The following MYRIP variants were observed in gnomAD, a reference collection of about 807,000 sequenced individuals.
MYRIP encodes the protein rab effector MyRIP.
A neutral mutation model predicts 98.0 loss-of-function variants in MYRIP; 49 were observed. The observed-to-expected ratio is 0.50, with a 90% CI of 0.40 to 0.63. The LOEUF (loss-of-function observed/expected upper bound fraction) is 0.63. Among genes scored for constraint, MYRIP ranks in the 30% least tolerant of loss-of-function variants. The probability of loss-of-function intolerance (pLI) is 0.00; values close to 1 mark genes in which losing one functional copy is unlikely to be tolerated. For missense variants in MYRIP, 1,004 were observed against 1,058.2 expected (o/e 0.95, Z 0.71); for synonymous variants, 404 against 409.5 (o/e 0.99, Z 0.16).
chr3:40,002,923 GA>G (rs1946551355), intron 2 of MYRIP, among the ~76,000 whole-genome samples: 1 of 151,510 alleles, frequency 6.6e-6, no homozygotes, highest in African/African-American at 2.4e-5. Context: ...TGCATATATA[GA>G]CATATATAGA....
At position 40,142,288 on chromosome 3, in the gene MYRIP, A is replaced by G. The variant is rs575705677; in HGVS notation, c.333-8760A>G. 2.0e-3 allele frequency among the ~76,000 whole-genome samples: 297 copies of G among 152,110 alleles called. 1 individual carries two copies. Among genetic ancestry groups the G allele is most frequent in the African/African-American group, 6.8e-3 (283 of 41,506 alleles). ...GGCTGGTCTCGAACTCCCGACCTCA[A>G]GTGATCCGCCTGCCTCAGCCTCCCA... On this transcript the variant is annotated intron_variant, in intron 3 of 16. Transcript: ENST00000302541.
At chr3:40,182,396 A>C in intron 9 of MYRIP, 23 bp downstream of exon 9, 1 of 1,602,660 alleles carries the variant, frequency 6.2e-7, no homozygotes, top group Non-Finnish European at 8.5e-7. Context: ...AGCAGTATCT[A>C]GTTGGTCTGT....
intron 2 of MYRIP, among the ~76,000 whole-genome samples, chr3:40,039,903 G>T (rs1947472293): frequency 6.6e-6 from 1 of 152,032 alleles, no homozygotes; most frequent in African/African-American, 2.4e-5. Context: ...GGGAGAATCT[G>T]CCCATGCCTC....
intron 1 of MYRIP, among the ~76,000 whole-genome samples, chr3:39,874,828 T>C (rs983528324): frequency 1.3e-5 from 2 of 152,188 alleles, no homozygotes; most frequent in African/African-American, 4.8e-5. Flanking sequence ...TCTGCCCGGC[T>C]TTGGTATCAG....
intron 11 of MYRIP, among the ~76,000 whole-genome samples, chr3:40,210,697 C>CCGCTTGATT (rs1323265893): frequency 2.0e-5 from 3 of 152,156 alleles, no homozygotes. Context: ...AAAGCCCTAA[C>CCGCTTGATT]CGCTTGATTT....
At chr3:40,158,157 A>T (rs979022300) in intron 4 of MYRIP, among the ~76,000 whole-genome samples, 1 of 151,460 alleles carries the variant, frequency 6.6e-6, no homozygotes, top group African/African-American at 2.4e-5. Flanking sequence ...CCCTCTACAC[A>T]CTGCTTTGAA....
chr3:40,204,226 TATATA>T (rs1951731722), intron 10 of MYRIP, among the ~76,000 whole-genome samples: 11 of 31,672 alleles, frequency 3.5e-4, no homozygotes, highest in East Asian at 5.3e-4. Flanking sequence ...TATATATAAA[TATATA>T]TATATTTTTT....
At chr3:39,833,553 T>C (rs940390417) in intron 1 of MYRIP, among the ~76,000 whole-genome samples, 9 of 144,954 alleles carry the variant, frequency 6.2e-5, no homozygotes, top group Non-Finnish European at 1.2e-4. Context: ...TCTATAGAAA[T>C]TGAGAATCAG....
At chr3:40,212,382 G>A (rs963990776) in intron 11 of MYRIP, among the ~76,000 whole-genome samples, 5 of 150,820 alleles carry the variant, frequency 3.3e-5, no homozygotes, top group African/African-American at 1.2e-4. Flanking sequence ...AGGTACTACT[G>A]TAGTTAAAGA....
At position 40,139,606 on chromosome 3, in the gene MYRIP, G is replaced by T. The variant is rs938358257; in HGVS notation, c.333-11442G>T. ...TCATTTTTTTCCTTTTTGAGACAGG[G>T]TCGCCTTCTGTTGCCCAGGCTGTTG... On this transcript the variant is annotated intron_variant, in intron 3 of 16. Transcript: ENST00000302541. Among the ~76,000 whole-genome samples the T allele has an allele frequency of 2.0e-5, 3 of 152,008 alleles. No individual in the cohort carries two copies. In the South Asian group the frequency reaches 6.2e-4, roughly 32 times the overall value.
intron 4 of MYRIP, among the ~76,000 whole-genome samples, chr3:40,151,612 G>A (rs558467560): frequency 1.6e-3 from 249 of 152,304 alleles, no homozygotes; most frequent in African/African-American, 4.3e-3. Flanking sequence ...TTATGGCCCA[G>A]AAGGTGATGT....
intron 2 of MYRIP, among the ~76,000 whole-genome samples, chr3:40,003,825 A>G (rs1575456838): frequency 1.3e-5 from 2 of 152,156 alleles, no homozygotes; most frequent in African/African-American, 4.8e-5. Context: ...TATAAATCGT[A>G]CTGTTTTCCC....
At chr3:39,817,338 C>A (rs1940955174) in intron 1 of MYRIP, among the ~76,000 whole-genome samples, 1 of 152,102 alleles carries the variant, frequency 6.6e-6, no homozygotes, top group South Asian at 2.1e-4. Context: ...TAATTTTGCT[C>A]AAAAGTGATA....
intron 2 of MYRIP, among the ~76,000 whole-genome samples, chr3:39,996,324 A>G (rs528310075): frequency 4.7e-4 from 72 of 152,318 alleles, no homozygotes; most frequent in African/African-American, 1.7e-3. Context: ...CTCAAAATAA[A>G]GGGATGGAGG....
At chr3:40,021,749 T>C (rs1559563968) in intron 2 of MYRIP, among the ~76,000 whole-genome samples, 1 of 152,216 alleles carries the variant, frequency 6.6e-6, no homozygotes, top group Non-Finnish European at 1.5e-5. Flanking sequence ...GCTTGAACTT[T>C]GGAAATTTAT....
At chr3:40,046,792 A>G (rs1013842072) in intron 3 of MYRIP, among the ~76,000 whole-genome samples, 1 of 152,030 alleles carries the variant, frequency 6.6e-6, no homozygotes, top group Non-Finnish European at 1.5e-5. Context: ...TTATTAAAGT[A>G]TACTATACTG....
chr3:39,966,360 C>T (rs545194532), intron 2 of MYRIP, among the ~76,000 whole-genome samples: 1 of 152,288 alleles, frequency 6.6e-6, no homozygotes, highest in South Asian at 2.1e-4. Flanking sequence ...AGATAATACG[C>T]ATTTGAAAAT....
chr3:39,981,471 T>C (rs1014464376), intron 2 of MYRIP, among the ~76,000 whole-genome samples: 17 of 152,220 alleles, frequency 1.1e-4, no homozygotes, highest in Non-Finnish European at 2.4e-4. Context: ...TTTTGAGTTC[T>C]ATTTTAGCAT....
intron 1 of MYRIP, among the ~76,000 whole-genome samples, chr3:39,886,349 A>C (rs1370020582): frequency 5.3e-5 from 8 of 151,484 alleles, no homozygotes; most frequent in Non-Finnish European, 7.4e-5. Flanking sequence ...TATTAACTTT[A>C]AATGTAAATG....
Sources: gnomAD v4.1 joint callset for allele counts (sites outside exome capture counted in the v4.1 genomes callset) on GRCh38, gnomAD v4.1.1 for gene constraint, MANE v1.5 for transcripts, NCBI Gene and HGNC (gene_info 2026-07-23, HGNC 2026-07-21) for gene names.